The following BCL7A variants were observed in gnomAD, a reference collection of about 807,000 sequenced individuals.
The protein encoded by BCL7A is B-cell CLL/lymphoma 7 protein family member A.
Under a neutral mutation model 28.4 loss-of-function variants are expected in BCL7A, and 11 were observed. The ratio of observed to expected loss-of-function variants is 0.39; its 90% CI spans 0.24 to 0.64. The LOEUF (loss-of-function observed/expected upper bound fraction) is 0.64, where lower values mean the gene tolerates loss of function less well. Ranked by LOEUF, BCL7A falls within the 30% of genes least tolerant of loss-of-function variation. The pLI, the probability that BCL7A is intolerant of heterozygous loss-of-function variation, is 0.50. For synonymous variants in BCL7A, 123 were observed against 103.3 expected, an observed-to-expected ratio of 1.19 and a Z score of -1.15; for missense variants, 222 against 274.8, an observed-to-expected ratio of 0.81 and a Z score of 1.36.
intron 3 of BCL7A, among the ~76,000 whole-genome samples, chr12:122,042,265 C>T (rs1883978020): frequency 6.6e-6 from 1 of 152,140 alleles, no homozygotes; most frequent in South Asian, 2.1e-4. Context: ...CTGTACACTC[C>T]ACCTTGATTT....
chr12:122,030,647 G>A (rs1044326556), intron 1 of BCL7A, 53 bp from the exon 2 acceptor site: 70 of 1,525,900 alleles, frequency 4.6e-5, no homozygotes, highest in Middle Eastern at 1.7e-4. Flanking sequence ...TGTGGCCTGT[G>A]TCCCCCAGGG....
intron 1 of BCL7A, among the ~76,000 whole-genome samples, chr12:122,025,841 T>A: frequency 7.2e-6 from 1 of 139,260 alleles, no homozygotes; most frequent in East Asian, 2.1e-4. Context: ...CAGCTACTCT[T>A]AAGGCTGAGG....
At chr12:122,024,068 A>G (rs1593020354) in intron 1 of BCL7A, among the ~76,000 whole-genome samples, 1 of 151,262 alleles carries the variant, frequency 6.6e-6, no homozygotes, top group African/African-American at 2.4e-5. Flanking sequence ...GGGGCTTCCC[A>G]CCCCGCGGGC....
chr12:122,054,134 T>C (rs757983755), intron 4 of BCL7A, among the ~76,000 whole-genome samples: 1 of 152,184 alleles, frequency 6.6e-6, no homozygotes, highest in Non-Finnish European at 1.5e-5. Context: ...ACCCAAGCTT[T>C]AGTGCAGTGG....
chr12:122,043,570 C>T (rs554955454), intron 3 of BCL7A, among the ~76,000 whole-genome samples: 224 of 152,030 alleles, frequency 1.5e-3, no homozygotes, highest in African/African-American at 4.7e-3. Flanking sequence ...GTCAGGAGTT[C>T]GAGACGGGTC....
At chr12:122,028,456 G>A (rs1041229191) in intron 1 of BCL7A, among the ~76,000 whole-genome samples, 1 of 151,022 alleles carries the variant, frequency 6.6e-6, no homozygotes, top group Non-Finnish European at 1.5e-5. Flanking sequence ...TGAATGGGTT[G>A]ATTTACTGGG....
At chr12:122,047,194 G>A (rs1029876446) in intron 4 of BCL7A, among the ~76,000 whole-genome samples, 3 of 151,670 alleles carry the variant, frequency 2.0e-5, no homozygotes, top group Non-Finnish European at 2.9e-5. Flanking sequence ...GAACCACCAC[G>A]CCTGGACTAT....
chr12:122,040,454 A>G (rs1002547063), intron 3 of BCL7A, among the ~76,000 whole-genome samples: 4 of 150,778 alleles, frequency 2.7e-5, no homozygotes, highest in South Asian at 4.2e-4. Flanking sequence ...AATCCCTTGA[A>G]TCGGGAAGGG....
chr12:122,030,141 G>A (rs1277857111), intron 1 of BCL7A, among the ~76,000 whole-genome samples: 5 of 152,186 alleles, frequency 3.3e-5, no homozygotes, highest in East Asian at 1.9e-4. Context: ...CTTTCGGGCC[G>A]AGGTCACCAC....
intron 1 of BCL7A, among the ~76,000 whole-genome samples, chr12:122,024,030 G>C (rs1815071915): frequency 6.6e-6 from 1 of 152,122 alleles, no homozygotes; most frequent in Admixed American, 6.5e-5. Flanking sequence ...GCGGCCAGCT[G>C]CTCTGCAGGG....
At chr12:122,032,531 T>C (rs1453669466) in intron 2 of BCL7A, among the ~76,000 whole-genome samples, 2 of 152,112 alleles carry the variant, frequency 1.3e-5, no homozygotes, top group Non-Finnish European at 2.9e-5. Flanking sequence ...AAATGGAATA[T>C]GATCAAGGGG....
chr12:122,025,058 G>C (rs1001641116), intron 1 of BCL7A, among the ~76,000 whole-genome samples: 1 of 152,196 alleles, frequency 6.6e-6, no homozygotes, highest in Non-Finnish European at 1.5e-5. Flanking sequence ...GCAGGCCAGT[G>C]GAGGTGAGGT....
At chr12:122,058,880 C>T (rs987181285) in intron 5 of BCL7A, among the ~76,000 whole-genome samples, 7 of 152,256 alleles carry the variant, frequency 4.6e-5, no homozygotes, top group African/African-American at 1.7e-4. Flanking sequence ...ACACCGCGCT[C>T]CATAGCTCCA....
At chr12:122,058,633 T>C (rs1951894821) in intron 5 of BCL7A, among the ~76,000 whole-genome samples, 1 of 152,182 alleles carries the variant, frequency 6.6e-6, no homozygotes, top group South Asian at 2.1e-4. Flanking sequence ...CACTCCAGCC[T>C]GGCAACAGAG....
chr12:122,054,237 G>A (rs1593036944), intron 4 of BCL7A, among the ~76,000 whole-genome samples: 2 of 152,044 alleles, frequency 1.3e-5, no homozygotes, highest in Non-Finnish European at 1.5e-5. Context: ...GGCGCCCGCC[G>A]CCACCACGCC....
chr12:122,039,273 G>A (rs1223365950), intron 3 of BCL7A, among the ~76,000 whole-genome samples: 1 of 150,522 alleles, frequency 6.6e-6, no homozygotes, highest in Non-Finnish European at 1.5e-5. Flanking sequence ...CTACAGCCTG[G>A]GCGACAGAGC....
chr12:122,043,197 C>T lies in BCL7A; in HGVS notation c.272-689C>T, dbSNP rs141706177. ...ACGGACCATGCCGTGTCTTCTGTAT[C>T]GCTTCCCTGCCAGACACACAAGACG... On this transcript the variant is annotated intron_variant, in intron 3 of 5. Coordinates refer to ENST00000261822, the MANE Select transcript of BCL7A (RefSeq NM_001024808.3). Among the ~76,000 whole-genome samples, 685 of 152,146 alleles carry T rather than the reference C, an allele frequency of 4.5e-3. 2 individuals carry two copies. Among genetic ancestry groups the T allele is most frequent in the Middle Eastern group, 0.02 (6 of 294 alleles).
intron 4 of BCL7A, among the ~76,000 whole-genome samples, chr12:122,051,482 C>T (rs1884190099): frequency 6.6e-6 from 1 of 152,212 alleles, no homozygotes; most frequent in African/African-American, 2.4e-5. Flanking sequence ...AAATAATTTT[C>T]CCTGGGTGAG....
intron 4 of BCL7A, among the ~76,000 whole-genome samples, chr12:122,049,273 T>C (rs1412247740): frequency 7.1e-6 from 1 of 141,776 alleles, no homozygotes; most frequent in Non-Finnish European, 1.5e-5. Context: ...AGTAAGAAAG[T>C]GTGGTGTGGC....
Sources: allele counts gnomAD v4.1 joint callset (sites outside exome capture counted in the v4.1 genomes callset), GRCh38; gene constraint gnomAD v4.1.1; transcripts MANE v1.5; gene names NCBI Gene and HGNC (gene_info 2026-07-23, HGNC 2026-07-21).